The following STK3 variants were observed in gnomAD, a reference collection of about 807,000 sequenced individuals.
STK3 encodes the protein serine/threonine-protein kinase 3.
In STK3, 41 loss-of-function variants were observed where a neutral mutation model predicts 58.0. The ratio of observed to expected loss-of-function variants is 0.71; its 90% CI spans 0.55 to 0.92. The LOEUF is 0.92. Among genes scored for constraint, STK3 ranks in the 40% least tolerant of loss-of-function variants. STK3 has a pLI of 0.00. For missense variants in STK3, 479 were observed against 602.7 expected (o/e 0.79, Z 2.15); for synonymous variants, 170 against 191.0 (o/e 0.89, Z 0.91).
downstream of STK3, among the ~76,000 whole-genome samples, chr8:98,451,181 A>C (rs375081498): frequency 6.6e-6 from 1 of 152,288 alleles, no homozygotes; most frequent in African/African-American, 2.4e-5. Context: ...TGTATGATTA[A>C]TGACAATTTT....
At chr8:98,650,694 C>A (rs200388661) in intron 6 of STK3, among the ~76,000 whole-genome samples, 1 of 152,216 alleles carries the variant, frequency 6.6e-6, no homozygotes, top group Non-Finnish European at 1.5e-5. Context: ...TATATCCCGC[C>A]CATGGCTCGG....
intron 1 of STK3, among the ~76,000 whole-genome samples, chr8:98,923,854 T>TGTGTGTGCGCGCGC (rs1491486943): frequency 1.1e-4 from 12 of 113,694 alleles, no homozygotes; most frequent in African/African-American, 3.7e-4. Flanking sequence ...TGTGTGTGTG[T>TGTGTGTGCGCGCGC]GCGCGCGCGC....
rs140456109 is a variant in STK3 at position 98,862,146 on chromosome 8, T to C, written c.110+21501A>G. Among the ~76,000 whole-genome samples the C allele has an allele frequency of 1.3e-4, 20 of 152,302 alleles. No individual in the cohort carries two copies. In the East Asian group the frequency reaches 3.9e-3, roughly 29 times the overall value. On this transcript the variant is annotated intron_variant, in intron 3 of 12. Coordinates refer to the STK3 transcript ENST00000523601. ...AGATGAGATCATTAGGAGAAGCTGG[T>C]ACTACTTACGAGGCATTGAATTGAG...
chr8:98,803,527 G>A (rs1833706095), intron 1 of STK3, among the ~76,000 whole-genome samples: 2 of 148,776 alleles, frequency 1.3e-5, no homozygotes, highest in Non-Finnish European at 3.0e-5. Flanking sequence ...CCAGGAGGCG[G>A]AGCTTGCAGT....
intron 10 of STK3, among the ~76,000 whole-genome samples, chr8:98,511,744 T>C (rs1295795070): frequency 6.6e-6 from 1 of 152,156 alleles, no homozygotes; most frequent in African/African-American, 2.4e-5. Context: ...TCAAGTGTTT[T>C]AAAAATATTT....
intron 1 of STK3, among the ~76,000 whole-genome samples, chr8:98,787,348 C>CA (rs993401756): frequency 2.6e-5 from 4 of 151,438 alleles, no homozygotes; most frequent in African/African-American, 9.7e-5. Context: ...AGCTCAAAGA[C>CA]AAGGTTTTTG....
intron 6 of STK3, chr8:98,598,440 A>G (rs1311261281): frequency 2.0e-6 from 2 of 981,652 alleles, no homozygotes; most frequent in East Asian, 1.2e-4. Flanking sequence ...GTCTTAGCGT[A>G]TGATCTACAC....
At chr8:98,484,901 T>C (rs1302758937) in intron 10 of STK3, among the ~76,000 whole-genome samples, 5 of 152,204 alleles carry the variant, frequency 3.3e-5, no homozygotes, top group African/African-American at 1.2e-4. Context: ...ATGATCTTTT[T>C]GGATATTCTT....
intron 3 of STK3, among the ~76,000 whole-genome samples, chr8:98,865,838 A>G (rs147672029): frequency 1.4e-4 from 21 of 152,366 alleles, no homozygotes; most frequent in African/African-American, 4.8e-4. Flanking sequence ...AGTGCCCTGC[A>G]GTGGTCACTG....
chr8:98,739,100 G>C (rs542058325), intron 4 of STK3, among the ~76,000 whole-genome samples: 5 of 152,250 alleles, frequency 3.3e-5, no homozygotes, highest in Non-Finnish European at 7.3e-5. Flanking sequence ...AGCTCCAACT[G>C]GGTGGAGCCC....
In STK3 at chr8:98,877,515, C is replaced by T. The variant is rs12677262; in HGVS notation, c.110+6132G>A. On this transcript the variant is annotated intron_variant, in intron 3 of 12. Coordinates refer to the STK3 transcript ENST00000523601. The stretch of plus-strand genomic sequence containing the variant: ...TGGTTTTTTTTGAGATGGAGTTTCG[C>T]TCTTGTCGCCCAGGCTGGAGTGCAA... Among the ~76,000 whole-genome samples, 77 of 152,124 alleles carry T rather than the reference C, an allele frequency of 5.1e-4. 1 individual carries two copies. In the East Asian group the frequency reaches 0.014, roughly 27 times the overall value.
chr8:98,677,029 TG>T (rs1455967112), intron 6 of STK3, among the ~76,000 whole-genome samples: 1 of 152,220 alleles, frequency 6.6e-6, no homozygotes, highest in Non-Finnish European at 1.5e-5. Flanking sequence ...TGCTTGATAC[TG>T]CTTCTGCATT....
chr8:98,428,933 G>T lies in STK3; in HGVS notation n.483+5194C>A. 6.2e-7 allele frequency: 1 copy of T among 1,614,120 alleles called. No homozygotes were observed. The highest frequency in any genetic ancestry group is 8.5e-7 in the Non-Finnish European group (1 of 1,180,024). The stretch of plus-strand genomic sequence containing the variant: ...GGCACTCCACTGGCCTCCGCTCCCT[G>T]GGGGCCACTTTGAAATACAGCTACA... On this transcript the variant is annotated intron_variant and non_coding_transcript_variant, in intron 3 of 3. Transcript: ENST00000517832. This position sits in a 1 kb window ranked among gnomAD's most constrained non-coding sequence, Gnocchi z 6.7.
At chr8:98,491,566 G>C (rs192814163) in intron 10 of STK3, among the ~76,000 whole-genome samples, 2 of 152,148 alleles carry the variant, frequency 1.3e-5, no homozygotes, top group Non-Finnish European at 2.9e-5. Context: ...TCAGCCTCCT[G>C]AGTAGCTGGA....
intron 6 of STK3, among the ~76,000 whole-genome samples, chr8:98,604,203 T>C (rs1386128428): frequency 6.6e-6 from 1 of 152,192 alleles, no homozygotes; most frequent in African/African-American, 2.4e-5. Context: ...ATAAAAAAGC[T>C]TCCCTGCCAC....
intron 1 of STK3, among the ~76,000 whole-genome samples, chr8:98,892,525 T>G (rs1225324959): frequency 1.3e-5 from 2 of 152,202 alleles, no homozygotes; most frequent in Non-Finnish European, 2.9e-5. Context: ...GGCTCTCCTA[T>G]GCCACTGCCT....
chr8:98,769,548 GC>G (rs1485178071), intron 2 of STK3, among the ~76,000 whole-genome samples: 1 of 152,164 alleles, frequency 6.6e-6, no homozygotes, highest in African/African-American at 2.4e-5. Flanking sequence ...TTCGTAAATT[GC>G]CCAGTCCCAG....
rs375415489 is a variant in STK3 at position 98,803,494 on chromosome 8, T to G, written c.26+22021A>C. On this transcript the variant is annotated intron_variant, in intron 1 of 10. Transcript: ENST00000419617. ...CTGTAGTCCCAGCTACTCGGGAGGC[T>G]AAGGTAGGAGAATGACATGAACCCA... is the stretch of plus-strand genomic sequence containing the variant. 2.8e-5 allele frequency among the ~76,000 whole-genome samples: 4 copies of G among 142,870 alleles called. No individual in the cohort carries two copies. In the South Asian group the frequency reaches 6.4e-4, roughly 23 times the overall value. The allele number at this position is 142,870 out of a possible 152,430, so 93.7% of individuals were successfully genotyped here.
At chr8:98,846,980 C>T (rs545291888) in intron 3 of STK3, among the ~76,000 whole-genome samples, 2 of 152,048 alleles carry the variant, frequency 1.3e-5, no homozygotes, top group East Asian at 1.9e-4. Context: ...AAAGAAGAAA[C>T]CTCAAAACTC....
Sources: allele counts gnomAD v4.1 joint callset (sites outside exome capture counted in the v4.1 genomes callset), GRCh38; gene constraint gnomAD v4.1.1; non-coding constraint Gnocchi (gnomAD v3.1); transcripts MANE v1.5; gene names NCBI Gene and HGNC (gene_info 2026-07-23, HGNC 2026-07-21).